ARSB: variants seen among roughly 807,000 people sequenced by gnomAD.
ARSB encodes arylsulfatase B.
Under a neutral mutation model 50.9 loss-of-function variants are expected in ARSB, and 41 were observed. The observed-to-expected ratio is 0.81, with a 90% CI of 0.63 to 1.04. The LOEUF (loss-of-function observed/expected upper bound fraction) is 1.04. Ranked by LOEUF, ARSB falls within the 50% of genes least tolerant of loss-of-function variation. The pLI, the probability that ARSB is intolerant of heterozygous loss-of-function variation, is 0.00. For synonymous variants in ARSB, 269 were observed against 284.8 expected (o/e 0.94, Z 0.56); for missense variants, 672 against 693.3 (o/e 0.97, Z 0.35).
chr5:78,884,039 C>T (rs536067862), intron 5 of ARSB: 1 of 152,130 alleles, frequency 6.6e-6, no homozygotes, highest in East Asian at 1.9e-4. Flanking sequence ...AACTTAAATG[C>T]CTACAGAGAC....
Position 78,805,183 on chromosome 5 carries a change from T to A in ARSB, c.1214-23209A>T, listed in dbSNP as rs372510517. Among the ~76,000 whole-genome samples, 12 of 152,324 alleles carry A rather than the reference T, an allele frequency of 7.9e-5. No homozygotes were observed. The East Asian group carries it at 1.9e-3, about 24-fold the overall frequency. On this transcript the variant is annotated intron_variant, in intron 6 of 7. Transcript: ENST00000264914. ...CTGAAAACACCCAGCCTTTTCCTAATAATTGCTGAGTCGCATAACAAGCAA... is the reference window on the plus strand; with the variant it reads ...CTGAAAACACCCAGCCTTTTCCTAAAAATTGCTGAGTCGCATAACAAGCAA...
intron 4 of ARSB, among the ~76,000 whole-genome samples, chr5:78,928,172 A>G (rs185963958): frequency 2.4e-3 from 363 of 152,276 alleles, no homozygotes; most frequent in African/African-American, 8.4e-3. Flanking sequence ...GGGCTGTCTA[A>G]CAGCCAAGCA....
chr5:78,787,984 TAG>T lies in ARSB; in HGVS notation c.1214-6012_1214-6011del, dbSNP rs1414558763. ...GGCCAAAGGAAAACAGCAAACGGAG[TAG>T]AGAGGAAAATAATATGAGGAAGTGA... On this transcript the variant is annotated intron_variant, in intron 6 of 7. Coordinates refer to ENST00000264914, the MANE Select transcript of ARSB (RefSeq NM_000046.5). Among the ~76,000 whole-genome samples the T allele has an allele frequency of 5.3e-5, 8 of 150,912 alleles. No homozygotes were observed. In the East Asian group the frequency reaches 1.6e-3, roughly 29 times the overall value.
chr5:78,934,469 A>AAT (rs1750493870), intron 4 of ARSB, among the ~76,000 whole-genome samples: 1 of 152,148 alleles, frequency 6.6e-6, no homozygotes, highest in Non-Finnish European at 1.5e-5. Context: ...ATATTATAAT[A>AAT]ATATATATAC....
At chr5:78,961,074 G>A (rs1751964075) in intron 3 of ARSB, among the ~76,000 whole-genome samples, 1 of 152,084 alleles carries the variant, frequency 6.6e-6, no homozygotes, top group Non-Finnish European at 1.5e-5. Flanking sequence ...TTCCTCTTAA[G>A]TGCTTTTTAA....
At chr5:78,864,386 G>A (rs1746604411) in intron 5 of ARSB, among the ~76,000 whole-genome samples, 1 of 152,156 alleles carries the variant, frequency 6.6e-6, no homozygotes, top group Non-Finnish European at 1.5e-5. Context: ...AGAAACCCCT[G>A]ACAAAACCAT....
In ARSB at chr5:78,985,280, C is replaced by T. The variant is rs1464454010; in HGVS notation, c.-32G>A. On this transcript the variant is annotated 5_prime_UTR_variant, in exon 1 of 8. Transcript: ENST00000264914. ...CCGCCCGCGGTCCCAGCGCCTGTGGCGCCACCAGCCCCTTGTACCGCTGAT... is the reference window on the plus strand; with the variant it reads ...CCGCCCGCGGTCCCAGCGCCTGTGGTGCCACCAGCCCCTTGTACCGCTGAT... The T allele has an allele frequency of 1.6e-6, 2 of 1,289,814 alleles. No homozygotes were observed. Among genetic ancestry groups the T allele is most frequent in the Non-Finnish European group, 2.0e-6 (2 of 1,023,062 alleles). 79.9% of individuals were successfully genotyped at this position (1,289,814 alleles called of 1,614,324 possible). A position where few individuals can be genotyped will look rare whatever the true frequency, so the allele number is the denominator to read the frequency against.
intron 6 of ARSB, chr5:78,815,975 T>C (rs1743970796): frequency 1.3e-6 from 2 of 1,597,240 alleles, no homozygotes; most frequent in African/African-American, 1.3e-5. Flanking sequence ...CCGCCTCTTC[T>C]GCCACTTCTG....
intron 6 of ARSB, among the ~76,000 whole-genome samples, chr5:78,825,790 A>G (rs1005358580): frequency 4.6e-5 from 7 of 152,306 alleles, no homozygotes; most frequent in African/African-American, 1.7e-4. Flanking sequence ...GATGTAAAAG[A>G]AAGGATCTGA....
chr5:78,979,363 G>A (rs62377898), intron 1 of ARSB, among the ~76,000 whole-genome samples: 21,412 of 152,248 alleles, frequency 0.14, 1,855 homozygotes, highest in Non-Finnish European at 0.2. Flanking sequence ...ATGTGGAGAC[G>A]CTAAAACCCA....
At chr5:78,873,164 C>G (rs1581076226) in intron 5 of ARSB, among the ~76,000 whole-genome samples, 1 of 152,012 alleles carries the variant, frequency 6.6e-6, no homozygotes, top group East Asian at 1.9e-4. Context: ...ATGAAATCAT[C>G]AACTGCCAAT....
intron 6 of ARSB, among the ~76,000 whole-genome samples, chr5:78,814,062 T>C (rs1020213456): frequency 2.9e-5 from 4 of 139,180 alleles, no homozygotes; most frequent in African/African-American, 1.1e-4. Flanking sequence ...ACAAAGGTTC[T>C]GTATTGCAAA....
At chr5:78,886,613 G>A (rs962528122) in intron 4 of ARSB, among the ~76,000 whole-genome samples, 3 of 152,146 alleles carry the variant, frequency 2.0e-5, no homozygotes, top group South Asian at 2.1e-4. Flanking sequence ...GCCAAATGAG[G>A]GCTCAGAGTT....
chr5:78,904,459 T>C (rs1223423915), intron 4 of ARSB, among the ~76,000 whole-genome samples: 2 of 152,078 alleles, frequency 1.3e-5, no homozygotes, highest in African/African-American at 2.4e-5. Context: ...TGTTTGGATT[T>C]CACTGAGCTT....
chr5:78,889,533 A>C (rs1447854720), intron 4 of ARSB, among the ~76,000 whole-genome samples: 1 of 152,234 alleles, frequency 6.6e-6, no homozygotes, highest in Non-Finnish European at 1.5e-5. Flanking sequence ...GTTTTGGCAC[A>C]GGGAAAATCT....
intron 6 of ARSB, among the ~76,000 whole-genome samples, chr5:78,825,272 T>A (rs1350825647): frequency 6.6e-6 from 1 of 152,222 alleles, no homozygotes; most frequent in Admixed American, 6.5e-5. Flanking sequence ...TAGCTTTTCT[T>A]ACATGCTCTT....
At chr5:78,906,090 G>C (rs1251781442) in intron 4 of ARSB, among the ~76,000 whole-genome samples, 1 of 151,252 alleles carries the variant, frequency 6.6e-6, no homozygotes, top group African/African-American at 2.4e-5. Context: ...GAAAGAAAAA[G>C]AAAAAACAGT....
chr5:78,796,879 CTTTT>C (rs1342063568), intron 6 of ARSB, among the ~76,000 whole-genome samples: 1 of 126,378 alleles, frequency 7.9e-6, no homozygotes, highest in African/African-American at 3.2e-5. Flanking sequence ...GTCTCGATCT[CTTTT>C]TTTTTTTTTT....
intron 5 of ARSB, among the ~76,000 whole-genome samples, chr5:78,859,340 G>C (rs1374098536): frequency 6.6e-6 from 1 of 151,644 alleles, no homozygotes; most frequent in Non-Finnish European, 1.5e-5. Flanking sequence ...AAGTAGTCTA[G>C]AGAAAAAAGT....
Sources: gnomAD v4.1 joint callset for allele counts (sites outside exome capture counted in the v4.1 genomes callset) on GRCh38, gnomAD v4.1.1 for gene constraint, MANE v1.5 for transcripts, NCBI Gene and HGNC (gene_info 2026-07-23, HGNC 2026-07-21) for gene names.